DNAH6: variants seen among roughly 807,000 people sequenced by gnomAD.
The protein encoded by DNAH6 is axonemal beta dynein heavy chain 6.
A neutral mutation model predicts 491.4 loss-of-function variants in DNAH6; 340 were observed. That is an observed-to-expected ratio of 0.69 (90% CI 0.63 to 0.76). DNAH6 has a LOEUF of 0.76. Among genes scored for constraint, DNAH6 ranks in the 30% least tolerant of loss-of-function variants. The pLI is 0.00. For synonymous variants in DNAH6, 1,603 were observed against 1,686.1 expected (o/e 0.95, Z 1.21); for missense variants, 4,443 against 4,972.2 (o/e 0.89, Z 3.20).
chr2:84,639,417 ATTTTTTT>A (rs374331918), intron 31 of DNAH6, among the ~76,000 whole-genome samples: 4 of 133,230 alleles, frequency 3.0e-5, no homozygotes, highest in African/African-American at 8.4e-5. Context: ...GTTGTCAGTA[ATTTTTTT>A]TTTTTTTTTT....
At chr2:84,784,461 A>T (rs1289876291) in intron 65 of DNAH6, among the ~76,000 whole-genome samples, 1 of 152,252 alleles carries the variant, frequency 6.6e-6, no homozygotes, top group Non-Finnish European at 1.5e-5. Flanking sequence ...AGCAAGTATT[A>T]AAAATTATCG....
chr2:84,524,144 A>G (rs887853563), intron 2 of DNAH6, among the ~76,000 whole-genome samples: 3 of 151,282 alleles, frequency 2.0e-5, no homozygotes, highest in East Asian at 3.9e-4. Context: ...TTGCATGCAT[A>G]TATATTTAGG....
chr2:84,690,914 AG>A (rs1694786759), intron 45 of DNAH6, among the ~76,000 whole-genome samples: 2 of 152,222 alleles, frequency 1.3e-5, no homozygotes, highest in Admixed American at 1.3e-4. Context: ...TTTTTAATGT[AG>A]GGTAAGTAAA....
At chr2:84,524,314 C>T (rs1676413701) in intron 2 of DNAH6, among the ~76,000 whole-genome samples, 1 of 151,796 alleles carries the variant, frequency 6.6e-6, no homozygotes, top group Non-Finnish European at 1.5e-5. Flanking sequence ...GATTTTCCTC[C>T]ATCCCTTTTC....
chr2:84,512,081 G>T (rs780604967), upstream of DNAH6, among the ~76,000 whole-genome samples: 3 of 152,102 alleles, frequency 2.0e-5, no homozygotes, highest in Non-Finnish European at 2.9e-5. Flanking sequence ...TTTTTGGGGG[G>T]TGGGACATTT....
At chr2:84,734,295 C>A (rs553461825) in intron 62 of DNAH6, among the ~76,000 whole-genome samples, 11 of 151,888 alleles carry the variant, frequency 7.2e-5, no homozygotes, top group African/African-American at 2.4e-4. Context: ...CGCCCACCAC[C>A]ACACCCGGCT....
chr2:84,508,516 C>T, the DNAH6 span, among the ~76,000 whole-genome samples: 4 of 152,134 alleles, frequency 2.6e-5, no homozygotes, highest in African/African-American at 9.7e-5. Flanking sequence ...TTCAAAAAAC[C>T]AGCTCCAGGA....
chr2:84,797,240 G>A (rs772983259), intron 69 of DNAH6, among the ~76,000 whole-genome samples: 71 of 152,144 alleles, frequency 4.7e-4, no homozygotes, highest in Non-Finnish European at 6.3e-4. Context: ...ACATAAATTT[G>A]GAGCCCTTCA....
At position 84,685,309 on chromosome 2, in the gene DNAH6, CT is replaced by C; in HGVS notation, c.6917-13del. ...TGTAGAATTTTTCTTTTTTTTTTTC[CT>C]TTTCTTAAAAAACAGGTATCCTCCA... is the stretch of plus-strand genomic sequence containing the variant. On this transcript the variant is annotated splice_polypyrimidine_tract_variant and intron_variant, in intron 42 of 76. Transcript: ENST00000389394. The C allele has an allele frequency of 7.2e-7, 1 of 1,396,256 alleles. No individual in the cohort carries two copies. Among genetic ancestry groups the C allele is most frequent in the Non-Finnish European group, 9.4e-7 (1 of 1,059,058 alleles). The allele number at this position is 1,396,256 out of a possible 1,614,324, so 86.5% of individuals were successfully genotyped here.
chr2:84,525,445 A>G (rs966050391), intron 2 of DNAH6, 120 bp from the exon 3 acceptor site: 6 of 999,382 alleles, frequency 6.0e-6, no homozygotes, highest in African/African-American at 1.7e-5. Context: ...TGCATCTTTG[A>G]TAGGAAATTA....
rs903412986 is a variant in DNAH6 at position 84,653,716 on chromosome 2, A to G, written c.5476A>G (p.Asn1826Asp). Residue 1826 changes from asparagine to aspartate, a missense_variant, in exon 34 of 77, where the codon AAT (asparagine) becomes GAT (aspartate). Around this residue, in one of 3 missense-constraint regions of DNAH6, gnomAD observed 2,977 missense variants for 3,296.6 expected, o/e 0.90. Transcript: ENST00000389394. Reference protein sequence around the residue: ...LMALSVRAAVNDTSEDHKWII... With the variant: ...LMALSVRAAVDDTSEDHKWII... Reference sequence around the variant, plus strand: ...GGCACTAAGTGTCCGAGCAGCTGTGAATGATACTTCAGAAGACCATAAATG... The same window carrying G: ...GGCACTAAGTGTCCGAGCAGCTGTGGATGATACTTCAGAAGACCATAAATG... 1 of 1,551,352 alleles carries G rather than the reference A, an allele frequency of 6.4e-7. No homozygotes were observed. The highest frequency in any genetic ancestry group is 8.7e-7 in the Non-Finnish European group (1 of 1,146,730).
chr2:84,579,764 G>A, intron 14 of DNAH6, 85 bp downstream of exon 14: 1 of 1,195,256 alleles, frequency 8.4e-7, no homozygotes, highest in African/African-American at 1.5e-5. Context: ...GAAGGACTAA[G>A]GGGCAAAAGA....
In DNAH6 at chr2:84,589,063, T is replaced by A. The variant is rs551922233; in HGVS notation, c.2610+109T>A. 6.7e-6 allele frequency: 7 copies of A among 1,039,284 alleles called. No homozygotes were observed. In the South Asian group the frequency reaches 6.9e-5, roughly 10 times the overall value. The allele number at this position is 1,039,284 out of a possible 1,614,324, so 64.4% of individuals were successfully genotyped here. ...TAAACATTCAATATTTGGACAACTA[T>A]GTGCTAGTCAGCATGCTACAAATAG... On this transcript the variant is annotated intron_variant, in intron 16 of 76. Transcript: ENST00000389394.
At chr2:84,468,186 T>C in the DNAH6 span, among the ~76,000 whole-genome samples, 1 of 152,256 alleles carries the variant, frequency 6.6e-6, no homozygotes, top group Non-Finnish European at 1.5e-5. Flanking sequence ...AATATTTGAT[T>C]TAAGTGCTTA....
chr2:84,491,125 A>C, the DNAH6 span, among the ~76,000 whole-genome samples: 1 of 152,202 alleles, frequency 6.6e-6, no homozygotes, highest in African/African-American at 2.4e-5. Context: ...TTATCTAGGA[A>C]ACTGTCCAGG....
intron 2 of DNAH6, among the ~76,000 whole-genome samples, chr2:84,518,713 C>T (rs1052151645): frequency 6.6e-6 from 1 of 152,152 alleles, no homozygotes; most frequent in African/African-American, 2.4e-5. Flanking sequence ...TGTGCGTACT[C>T]TGTGCCAGGG....
the DNAH6 span, among the ~76,000 whole-genome samples, chr2:84,473,854 C>G: frequency 4.0e-4 from 61 of 152,274 alleles, no homozygotes; most frequent in Non-Finnish European, 7.5e-4. Flanking sequence ...AGCACAACAT[C>G]AATTCTTCCC....
At chr2:84,710,034 T>C (rs1380911923) in intron 55 of DNAH6, among the ~76,000 whole-genome samples, 1 of 152,216 alleles carries the variant, frequency 6.6e-6, no homozygotes, top group Non-Finnish European at 1.5e-5. Flanking sequence ...GAGACCAACA[T>C]GAATACCATA....
intron 41 of DNAH6, among the ~76,000 whole-genome samples, chr2:84,679,853 A>G (rs1693613244): frequency 6.6e-6 from 1 of 152,224 alleles, no homozygotes; most frequent in Non-Finnish European, 1.5e-5. Flanking sequence ...TGAAGAGATG[A>G]ATGAGATATC....
Sources: gnomAD v4.1 joint callset for allele counts (sites outside exome capture counted in the v4.1 genomes callset) on GRCh38, gnomAD v4.1.1 for gene constraint, gnomAD v4.1.1 regional missense constraint, MANE v1.5 for transcripts, NCBI Gene and HGNC (gene_info 2026-07-23, HGNC 2026-07-21) for gene names.